The following UBAP2 variants were observed in gnomAD, a reference collection of about 807,000 sequenced individuals.
UBAP2 encodes the protein ubiquitin-associated protein 2.
A neutral mutation model predicts 139.6 loss-of-function variants in UBAP2; 75 were observed. The ratio of observed to expected loss-of-function variants is 0.54; its 90% CI spans 0.45 to 0.65. The LOEUF (loss-of-function observed/expected upper bound fraction) is 0.65, where lower values mean the gene tolerates loss of function less well. Among genes scored for constraint, UBAP2 ranks in the 30% least tolerant of loss-of-function variants. UBAP2 has a pLI of 0.00. For synonymous variants in UBAP2, 526 were observed against 526.2 expected (o/e 1.00, Z 0.01); for missense variants, 1,368 against 1,369.6 (o/e 1.00, Z 0.02).
intron 1 of UBAP2, among the ~76,000 whole-genome samples, chr9:34,026,139 C>T (rs1825381982): frequency 1.3e-5 from 2 of 152,158 alleles, no homozygotes; most frequent in South Asian, 2.1e-4. Flanking sequence ...TGAAAAGTTA[C>T]AGAACACTTG....
chr9:34,044,384 G>A (rs1262195547), intron 1 of UBAP2, among the ~76,000 whole-genome samples: 3 of 151,146 alleles, frequency 2.0e-5, no homozygotes, highest in African/African-American at 7.3e-5. Flanking sequence ...CTGGGCAAGA[G>A]AGCAAGACTC....
chr9:33,964,543 A>G (rs146654318), intron 8 of UBAP2, among the ~76,000 whole-genome samples: 2,476 of 151,972 alleles, frequency 0.016, 38 homozygotes, highest in Non-Finnish European at 0.027. Context: ...GTTCTTCCAC[A>G]CTGTGTGGAA....
chr9:34,016,805 AC>A (rs1163508374), intron 2 of UBAP2, among the ~76,000 whole-genome samples: 1 of 151,748 alleles, frequency 6.6e-6, no homozygotes, highest in Non-Finnish European at 1.5e-5. Flanking sequence ...TGATCCACCC[AC>A]CTCGGCCTCC....
At chr9:33,992,104 T>C (rs1266429202) in intron 4 of UBAP2, among the ~76,000 whole-genome samples, 2 of 151,624 alleles carry the variant, frequency 1.3e-5, no homozygotes, top group African/African-American at 4.8e-5. Context: ...ATACAAAAAT[T>C]AGCAGCCGGG....
rs769462491 is a variant in UBAP2, at chr9:33,933,497, G to A, written c.2101C>T (p.Leu701Phe). 3.1e-6 allele frequency: 5 copies of A among 1,613,710 alleles called. No individual in the cohort carries two copies. The African/African-American group carries it at 4.0e-5, about 13-fold the overall frequency. ...CCCACACCTTCCCCATACCTGCTAA[G>A]CTGAGAGAGAGGGCTGCTAGTCAGG... ...GDLTSSPLSQLSSSLSSHQSS... is the reference protein window; with the variant it reads ...GDLTSSPLSQFSSSLSSHQSS... Residue 701 changes from leucine to phenylalanine, a missense_variant, in exon 18 of 29, where the codon CTT (leucine) becomes TTT (phenylalanine). Transcript: ENST00000379238.
intron 2 of UBAP2, among the ~76,000 whole-genome samples, chr9:34,012,568 A>AT (rs1823850948): frequency 6.6e-6 from 1 of 151,264 alleles, no homozygotes; most frequent in Admixed American, 6.6e-5. Flanking sequence ...TTGAAAAAAT[A>AT]TAAGTATGGT....
chr9:33,934,731 T>C (rs1362642488), intron 17 of UBAP2, among the ~76,000 whole-genome samples: 1 of 151,760 alleles, frequency 6.6e-6, no homozygotes, highest in Non-Finnish European at 1.5e-5. Context: ...GTATGGGAAA[T>C]GAAAAGTAGG....
At chr9:34,034,835 T>G (rs1826188585) in intron 1 of UBAP2, among the ~76,000 whole-genome samples, 1 of 151,818 alleles carries the variant, frequency 6.6e-6, no homozygotes, top group South Asian at 2.1e-4. Context: ...ATCACGCCAC[T>G]GCACTCCAGC....
At chr9:33,928,048 G>C (rs965056202) in intron 19 of UBAP2, 56 bp from the exon 20 acceptor site, 306 of 1,537,916 alleles carry the variant, frequency 2.0e-4, no homozygotes, top group Non-Finnish European at 2.5e-4. Flanking sequence ...GAGGGTGCTG[G>C]GGAGAGCCTG....
At chr9:33,946,510 A>G (rs1825663836) in intron 13 of UBAP2, among the ~76,000 whole-genome samples, 1 of 152,180 alleles carries the variant, frequency 6.6e-6, no homozygotes, top group Non-Finnish European at 1.5e-5. Flanking sequence ...AGCCAGTTCT[A>G]CCATATGGGA....
At chr9:33,935,677 A>G (rs920103613) in intron 17 of UBAP2, 162 bp downstream of exon 17, 3 of 753,256 alleles carry the variant, frequency 4.0e-6, no homozygotes, top group African/African-American at 1.8e-5. Context: ...CATTTCTAAT[A>G]ACACCACAGC....
chr9:33,999,125 T>C (rs1021486957), intron 2 of UBAP2, among the ~76,000 whole-genome samples: 24 of 152,190 alleles, frequency 1.6e-4, no homozygotes, highest in African/African-American at 5.8e-4. Context: ...AATGACTTAC[T>C]TGAATCTTCT....
At chr9:33,937,484 G>A (rs561176463) in intron 16 of UBAP2, among the ~76,000 whole-genome samples, 1 of 150,880 alleles carries the variant, frequency 6.6e-6, no homozygotes, top group East Asian at 2.0e-4. Flanking sequence ...ACACACACCT[G>A]TAGTTCTAGC....
chr9:33,946,118 C>T (rs963423727), intron 13 of UBAP2, among the ~76,000 whole-genome samples: 20 of 152,168 alleles, frequency 1.3e-4, no homozygotes, highest in African/African-American at 4.8e-4. Flanking sequence ...TAAAATGATA[C>T]AAATGTGCTA....
At chr9:34,014,773 C>CA (rs11465085) in intron 2 of UBAP2, among the ~76,000 whole-genome samples, 91,673 of 126,018 alleles carry the variant, frequency 0.73, 32,811 homozygotes, top group East Asian at 0.83. Flanking sequence ...GACTCCGTCT[C>CA]AAAAAAAAAA....
intron 1 of UBAP2, among the ~76,000 whole-genome samples, chr9:34,045,989 C>G (rs1278789955): frequency 6.6e-6 from 1 of 152,136 alleles, no homozygotes; most frequent in Non-Finnish European, 1.5e-5. Flanking sequence ...TACTAACTTA[C>G]CAGTCAACAC....
In UBAP2 at chr9:33,941,827, G is replaced by T. The variant is rs1309591520; in HGVS notation, c.1751C>A (p.Ala584Glu). Residue 584 changes from alanine to glutamate, a missense_variant, in exon 16 of 29, where the codon GCA becomes GAA. Transcript: ENST00000379238. Reference sequence around the variant, plus strand: ...AGTTGTATATGTGGAGTTCTGTACTGCACTGGTCATTGATAAAGATGTATT... The same window carrying T: ...AGTTGTATATGTGGAGTTCTGTACTTCACTGGTCATTGATAAAGATGTATT... Reference protein sequence around the residue: ...PLNTSLSMTSAVQNSTYTTSV... With the variant: ...PLNTSLSMTSEVQNSTYTTSV... 6.2e-7 allele frequency: 1 copy of T among 1,613,702 alleles called. No homozygotes were observed. The highest frequency in any genetic ancestry group is 8.5e-7 in the Non-Finnish European group (1 of 1,179,836).
In UBAP2 at chr9:33,922,819, G is replaced by A; in HGVS notation, c.3132C>T (p.Val1044=). ...GTPPPFSLPS[V]LGSTGPLASG... ...AGGCCAGGGGCCCAGTGGAGCCCAA[G>A]ACCGAGGGCAGGCTGAAAGGTGGAG... The change falls in exon 28 of 29, where the codon GTC becomes GTT. Residue 1044 remains valine, a synonymous_variant. Transcript: ENST00000379238. 1 of 1,572,750 alleles carries A rather than the reference G, an allele frequency of 6.4e-7. No individual in the cohort carries two copies. Among genetic ancestry groups the A allele is most frequent in the Non-Finnish European group, 8.6e-7 (1 of 1,158,048 alleles).
chr9:33,973,221 T>A lies in UBAP2; in HGVS notation c.537A>T (p.Arg179Ser), dbSNP rs770628580. The A allele has an allele frequency of 2.1e-5, 34 of 1,613,912 alleles. No individual in the cohort carries two copies. In the South Asian group the frequency reaches 3.7e-4, roughly 18 times the overall value. Residue 179 changes from arginine to serine, a missense_variant, in exon 7 of 29, where the codon AGA becomes AGT. By Grantham distance (110) the Arg-to-Ser change is moderately radical. Transcript: ENST00000379238. ...TTGAGAACCTTCCTGCCCCTCTCCCTCTGCCACGTCCAAATCCTTTAAAAA... is the reference window on the plus strand; with the variant it reads ...TTGAGAACCTTCCTGCCCCTCTCCCACTGCCACGTCCAAATCCTTTAAAAA... ...RARGRGFGRG[R>S]GRGAGRFSTQ...
Sources: gnomAD v4.1 joint callset for allele counts (sites outside exome capture counted in the v4.1 genomes callset) on GRCh38, gnomAD v4.1.1 for gene constraint, MANE v1.5 for transcripts, NCBI Gene and HGNC (gene_info 2026-07-23, HGNC 2026-07-21) for gene names.